Variants in RCOR2 observed in about 807,000 individuals in gnomAD.
RCOR2 encodes REST corepressor 2.
RCOR2 carries 19 observed loss-of-function variants against 58.9 expected under a neutral mutation model. The observed-to-expected ratio is 0.32, with a 90% CI of 0.23 to 0.47. RCOR2 has a LOEUF of 0.47. Ranked by LOEUF, RCOR2 falls within the 20% of genes least tolerant of loss-of-function variation. The pLI is 1.00. For missense variants in RCOR2, 590 were observed against 707.9 expected (o/e 0.83, Z 1.89); for synonymous variants, 286 against 278.7 (o/e 1.03, Z -0.26).
upstream of RCOR2, among the ~76,000 whole-genome samples, chr11:63,919,406 T>C (rs1450592581): frequency 6.6e-6 from 1 of 152,062 alleles, no homozygotes; most frequent in Admixed American, 6.5e-5. Flanking sequence ...TGAAGGCTCT[T>C]AAAGAGACAG....
intron 6 of RCOR2, 35 bp from the exon 7 acceptor site, chr11:63,914,365 G>A: frequency 1.2e-6 from 2 of 1,613,236 alleles, no homozygotes; most frequent in Non-Finnish European, 1.7e-6. Context: ...GAATGAGGCA[G>A]CTGCCAGGAG....
Position 63,914,777 on chromosome 11 carries a change from T to C in RCOR2, c.358A>G (p.Lys120Glu), listed in dbSNP as rs972763804. ...AAGTTGGCCAGGTCGGCCAGCGACT[T>C]CTCCACATCGTGCTTATGCCACAGA... ...MLLWHKHDVE[K>E]SLADLANFTP... Residue 120 changes from lysine (K) to glutamate (E), a missense_variant, in exon 5 of 12, where the codon AAG becomes GAG. Lys to Glu is a moderately conservative substitution (Grantham distance 56). Transcript: ENST00000301459. 4 of 1,612,338 alleles carry C rather than the reference T, an allele frequency of 2.5e-6. No individual in the cohort carries two copies. Among genetic ancestry groups the C allele is most frequent in the Non-Finnish European group, 2.5e-6 (3 of 1,179,262 alleles).
upstream of RCOR2, among the ~76,000 whole-genome samples, chr11:63,919,620 G>A (rs530274744): frequency 6.6e-6 from 1 of 152,336 alleles, no homozygotes; most frequent in Non-Finnish European, 1.5e-5. Context: ...GAGGCAGCCC[G>A]GGGACCAGCC....
At chr11:63,923,427 C>T in the RCOR2 span, among the ~76,000 whole-genome samples, 2 of 151,900 alleles carry the variant, frequency 1.3e-5, no homozygotes. Context: ...AAGAGATGTT[C>T]ACACCCCTCC....
At chr11:63,919,420 C>A (rs1852363805), upstream of RCOR2, among the ~76,000 whole-genome samples, 1 of 152,180 alleles carries the variant, frequency 6.6e-6, no homozygotes, top group Admixed American at 6.5e-5. Context: ...GAGACAGCAC[C>A]CCCTCCCTGC....
intron 1 of RCOR2, among the ~76,000 whole-genome samples, chr11:63,916,059 C>G (rs1233534876): frequency 6.6e-6 from 1 of 152,202 alleles, no homozygotes; most frequent in Non-Finnish European, 1.5e-5. Flanking sequence ...TATGAGGGAC[C>G]CACTCTATGC....
In RCOR2 at chr11:63,914,046, G is replaced by T; in HGVS notation, c.799C>A (p.Pro267Thr). 1 of 1,613,812 alleles carries T rather than the reference G, an allele frequency of 6.2e-7. No individual in the cohort carries two copies. The highest frequency in any genetic ancestry group is 8.5e-7 in the Non-Finnish European group (1 of 1,179,966). The change falls in exon 8 of 12, where the codon CCT (proline) becomes ACT (threonine). Residue 267 changes from proline (P) to threonine (T), a missense_variant. Physicochemically the swap from Pro to Thr is conservative, Grantham distance 38. Coordinates refer to ENST00000301459, the MANE Select transcript of RCOR2 (RefSeq NM_173587.4). ...RRPPKGMYLS[P>T]EGLTAVSGSP... is the part of the protein sequence containing the mutation. ...CCTGACACTGCCGTGAGGCCTTCAG[G>T]GCTCAGGTACATGCCCTTGGGTGGG... is the stretch of plus-strand genomic sequence containing the variant.
upstream of RCOR2, among the ~76,000 whole-genome samples, chr11:63,919,304 G>A (rs1229938447): frequency 6.6e-6 from 1 of 151,174 alleles, no homozygotes; most frequent in African/African-American, 2.4e-5. Flanking sequence ...ACCTGCTACA[G>A]CCGCCCCCTC....
In RCOR2 at chr11:63,911,397, C is replaced by G. The variant is rs1590731180; in HGVS notation, c.*468G>C. On this transcript the variant is annotated 3_prime_UTR_variant, in exon 12 of 12. Coordinates refer to ENST00000301459, the MANE Select transcript of RCOR2 (RefSeq NM_173587.4). ...CTGAAGACAGAGCTTCTCTTCCAGC[C>G]TCTGCTGCTGTAAGGCCCCTCTGCC... 1 of 153,240 alleles carries G rather than the reference C, an allele frequency of 6.5e-6. No individual in the cohort carries two copies. The highest frequency in any genetic ancestry group is 1.9e-4 in the East Asian group (1 of 5,200). 9.5% of individuals were successfully genotyped at this position (153,240 alleles called of 1,614,324 possible).
upstream of RCOR2, among the ~76,000 whole-genome samples, chr11:63,918,810 C>G (rs1941896139): frequency 6.6e-6 from 1 of 151,898 alleles, no homozygotes; most frequent in Non-Finnish European, 1.5e-5. Flanking sequence ...TCAGTTGAGT[C>G]CCCCATCCCC....
Position 63,912,913 on chromosome 11 carries a change from C to T in RCOR2, c.926G>A (p.Arg309His), listed in dbSNP as rs759155941. ...QSMKQTNSSL[R>H]QALEGGIDPL... The stretch of plus-strand genomic sequence containing the variant: ...ATCAATACCGCCCTCCAGGGCTTGG[C>T]GCAGGCTGCTGTTCGTCTGCTTCAT... The change falls in exon 9 of 12, where the codon CGC becomes CAC. Residue 309 changes from arginine to histidine, a missense_variant. Transcript: ENST00000301459. 5.6e-6 allele frequency: 9 copies of T among 1,613,294 alleles called. No homozygotes were observed. Among genetic ancestry groups the T allele is most frequent in the African/African-American group, 2.7e-5 (2 of 74,882 alleles).
rs1191950846 is a variant in RCOR2, at chr11:63,914,780, C to G, written c.355G>C (p.Glu119Gln). The change falls in exon 5 of 12, where the codon GAG becomes CAG. Residue 119 changes from glutamate (E) to glutamine (Q), a missense_variant. This residue lies in a region of RCOR2 where 390 missense variants were observed against 478.7 expected (regional missense o/e 0.81). Transcript: ENST00000301459. ...TTGGCCAGGTCGGCCAGCGACTTCTCCACATCGTGCTTATGCCACAGAAGC... is the reference window on the plus strand; with the variant it reads ...TTGGCCAGGTCGGCCAGCGACTTCTGCACATCGTGCTTATGCCACAGAAGC... Reference protein sequence around the residue: ...GMLLWHKHDVEKSLADLANFT... With the variant: ...GMLLWHKHDVQKSLADLANFT... 6.2e-7 allele frequency: 1 copy of G among 1,612,046 alleles called. No homozygotes were observed. Among genetic ancestry groups the G allele is most frequent in the Admixed American group, 1.7e-5 (1 of 59,834 alleles).
At chr11:63,922,899 C>T in the RCOR2 span, among the ~76,000 whole-genome samples, 1 of 152,264 alleles carries the variant, frequency 6.6e-6, no homozygotes, top group African/African-American at 2.4e-5. Context: ...CCAGCCCTTC[C>T]CTCAGGGCTG....
At position 63,912,334 on chromosome 11, in the gene RCOR2, G is replaced by A; in HGVS notation, c.1228C>T (p.Pro410Ser). Residue 410 changes from proline (P) to serine (S), a missense_variant, in exon 11 of 12, where the codon CCA becomes TCA. Pro to Ser is a moderately conservative substitution (Grantham distance 74). Around this residue, in one of 3 missense-constraint regions of RCOR2, gnomAD observed 196 missense variants for 210.7 expected, o/e 0.93. Coordinates refer to ENST00000301459, the MANE Select transcript of RCOR2 (RefSeq NM_173587.4). ...TCATCTTCCTCTAGGGCTGGGGCTGGCAATGGAGCCCCTCTCCTAGCCTCC... is the reference window on the plus strand; with the variant it reads ...TCATCTTCCTCTAGGGCTGGGGCTGACAATGGAGCCCCTCTCCTAGCCTCC... ...MEEARRGAPL[P>S]APALEEDDEV... is the part of the protein sequence containing the mutation. 6.2e-7 allele frequency: 1 copy of A among 1,612,936 alleles called. No homozygotes were observed. Among genetic ancestry groups the A allele is most frequent in the Non-Finnish European group, 8.5e-7 (1 of 1,179,346 alleles).
chr11:63,912,002 G>T lies in RCOR2; in HGVS notation c.1435C>A (p.Arg479=). Residue 479 remains arginine, a synonymous_variant, in exon 12 of 12, where the codon CGG becomes AGG. Transcript: ENST00000301459. ...GGTGGGGGCTGGTTGGGGGCCAGCC[G>T]GGGCTGGAGGAAGCGGCCCTGCTGC... ...PLQQGRFLQP[R]LAPNQPPPPL... 1 of 1,428,684 alleles carries T rather than the reference G, an allele frequency of 7.0e-7. No individual in the cohort carries two copies. The highest frequency in any genetic ancestry group is 9.2e-7 in the Non-Finnish European group (1 of 1,087,298). The allele number at this position is 1,428,684 out of a possible 1,614,324, so 88.5% of individuals were successfully genotyped here.
chr11:63,922,482 A>G, the RCOR2 span, among the ~76,000 whole-genome samples: 2 of 152,088 alleles, frequency 1.3e-5, no homozygotes, highest in Admixed American at 6.6e-5. Context: ...CCTCCCGAGT[A>G]GTGGGGATTA....
Position 63,912,546 on chromosome 11 carries a change from A to C in RCOR2, c.1028-12T>G. On this transcript the variant is annotated splice_polypyrimidine_tract_variant and intron_variant, in intron 10 of 11. Coordinates refer to ENST00000301459, the MANE Select transcript of RCOR2 (RefSeq NM_173587.4). Reference sequence around the variant, plus strand: ...ATACCTACGGATGGCTGCAAGGGTCAAAAGGGCAGCAGCGTCAATACCCCT... The same window carrying C: ...ATACCTACGGATGGCTGCAAGGGTCCAAAGGGCAGCAGCGTCAATACCCCT... The C allele has an allele frequency of 1.2e-6, 2 of 1,608,846 alleles. No homozygotes were observed. The highest frequency in any genetic ancestry group is 8.5e-7 in the Non-Finnish European group (1 of 1,175,354).
Position 63,914,679 on chromosome 11 carries a change from T to C in RCOR2, c.456A>G (p.Lys152=). The change falls in exon 5 of 12, where the codon AAA becomes AAG. Residue 152 remains lysine, a synonymous_variant. Coordinates refer to ENST00000301459, the MANE Select transcript of RCOR2 (RefSeq NM_173587.4). ...CCATCTGCTGGATCCGCTGGAAGCA[T>C]TTGCCATGGAAGCCAAAGGCCTGTT... ...LFEQAFGFHG[K]CFQRIQQMLP... is the part of the protein sequence containing the mutation. 1 of 1,608,342 alleles carries C rather than the reference T, an allele frequency of 6.2e-7. No homozygotes were observed. Among genetic ancestry groups the C allele is most frequent in the East Asian group, 2.2e-5 (1 of 44,786 alleles).
the RCOR2 span, among the ~76,000 whole-genome samples, chr11:63,925,779 C>T: frequency 2.1e-5 from 3 of 142,830 alleles, no homozygotes; most frequent in Non-Finnish European, 4.5e-5. Flanking sequence ...CCAGCCTGGG[C>T]GACAGGGTGA....
Sources: allele counts gnomAD v4.1 joint callset (sites outside exome capture counted in the v4.1 genomes callset), GRCh38; gene constraint gnomAD v4.1.1; regional missense constraint gnomAD v4.1.1; transcripts MANE v1.5; gene names NCBI Gene and HGNC (gene_info 2026-07-23, HGNC 2026-07-21).